Variants in THSD4 observed in about 807,000 individuals in gnomAD.
THSD4 encodes the protein thrombospondin type 1 domain containing 4, also known as thrombospondin type-1 domain-containing protein 4.
Under a neutral mutation model 119.0 loss-of-function variants are expected in THSD4, and 69 were observed. That is an observed-to-expected ratio of 0.58 (90% CI 0.48 to 0.71). THSD4 has a LOEUF of 0.71. THSD4 is among the 30% of genes least tolerant of loss of function. THSD4 has a pLI of 0.00. For synonymous variants in THSD4, 524 were observed against 540.4 expected (o/e 0.97, Z 0.42); for missense variants, 1,393 against 1,391.1 (o/e 1.00, Z -0.02).
At chr15:71,434,434 C>CTTTT (rs34097873) in intron 7 of THSD4, among the ~76,000 whole-genome samples, 44 of 82,582 alleles carry the variant, frequency 5.3e-4, no homozygotes, top group African/African-American at 6.3e-4. Context: ...TCAGTGGTCC[C>CTTTT]TTTTTTTTTT....
At position 71,506,216 on chromosome 15, in the gene THSD4, T is replaced by C. The variant is rs539466395; in HGVS notation, c.1152+94393T>C. Among the ~76,000 whole-genome samples, 40 of 152,326 alleles carry C rather than the reference T, an allele frequency of 2.6e-4. No individual in the cohort carries two copies. The South Asian group carries it at 7.9e-3, about 30-fold the overall frequency. ...GTTTTGCTGATCTAGATCTTAGGAATCAAATATCTTTTGCCTCCAGGTTTG... is the reference window on the plus strand; with the variant it reads ...GTTTTGCTGATCTAGATCTTAGGAACCAAATATCTTTTGCCTCCAGGTTTG... On this transcript the variant is annotated intron_variant, in intron 7 of 17. Coordinates refer to ENST00000261862, the MANE Select transcript of THSD4 (RefSeq NM_024817.3).
In THSD4 at chr15:71,781,670, G is replaced by T. The variant is rs1027328678; in HGVS notation, c.*4296G>T. The stretch of plus-strand genomic sequence containing the variant: ...TACAGGCAGGCACAGTTTAGCTCCT[G>T]CAGAGACCCAGCTTTTCACAAGTTG... On this transcript the variant is annotated 3_prime_UTR_variant, in exon 18 of 18. Coordinates refer to ENST00000261862, the MANE Select transcript of THSD4 (RefSeq NM_024817.3). 4 of 152,376 alleles carry T rather than the reference G, an allele frequency of 2.6e-5. No homozygotes were observed. The highest frequency in any genetic ancestry group is 5.9e-5 in the Non-Finnish European group (4 of 68,184). The allele number at this position is 152,376 out of a possible 1,614,324, so 9.4% of individuals were successfully genotyped here. A position where few individuals can be genotyped will look rare whatever the true frequency, so the allele number is the denominator to read the frequency against.
At chr15:71,557,262 C>A (rs1220567754) in intron 7 of THSD4, among the ~76,000 whole-genome samples, 1 of 152,106 alleles carries the variant, frequency 6.6e-6, no homozygotes, top group Admixed American at 6.5e-5. Flanking sequence ...TTTAATCTGT[C>A]AGTGTGATAA....
chr15:71,208,455 C>T (rs1335076016), intron 3 of THSD4, among the ~76,000 whole-genome samples: 1 of 152,056 alleles, frequency 6.6e-6, no homozygotes, highest in Non-Finnish European at 1.5e-5. Flanking sequence ...GACTACACTG[C>T]TTCTCTAACT....
At chr15:71,443,307 C>A (rs2047134655) in intron 7 of THSD4, among the ~76,000 whole-genome samples, 1 of 152,176 alleles carries the variant, frequency 6.6e-6, no homozygotes, top group Non-Finnish European at 1.5e-5. Flanking sequence ...CCCTGGGTTG[C>A]TCTGGTTGCT....
At chr15:71,122,055 G>C (rs1262855839) in intron 1 of THSD4, among the ~76,000 whole-genome samples, 1 of 152,158 alleles carries the variant, frequency 6.6e-6, no homozygotes, top group Non-Finnish European at 1.5e-5. Flanking sequence ...TGTAGTGACA[G>C]TATAGCCTTT....
Position 71,777,415 on chromosome 15 carries a change from C to T in THSD4, c.*41C>T, listed in dbSNP as rs369950925. The T allele has an allele frequency of 1.3e-6, 2 of 1,590,664 alleles. No individual in the cohort carries two copies. The highest frequency in any genetic ancestry group is 1.7e-6 in the Non-Finnish European group (2 of 1,170,410). On this transcript the variant is annotated 3_prime_UTR_variant, in exon 18 of 18. Transcript: ENST00000261862. ...ATCAGTAGGGCAGCATCACTGCCTT[C>T]CCGGGGGCTTCAGCAGTGCGCCTGG...
intron 6 of THSD4, among the ~76,000 whole-genome samples, chr15:71,281,177 A>C (rs922415939): frequency 6.6e-6 from 1 of 152,260 alleles, no homozygotes; most frequent in Non-Finnish European, 1.5e-5. Flanking sequence ...GGGCTGAGGT[A>C]TGAATCCGAG....
intron 6 of THSD4, among the ~76,000 whole-genome samples, chr15:71,271,662 TTTCTC>T (rs1185242738): frequency 6.6e-6 from 1 of 152,216 alleles, no homozygotes; most frequent in African/African-American, 2.4e-5. Flanking sequence ...TCTTTTCCCT[TTTCTC>T]TTTCTTTCTC....
At chr15:71,266,110 A>G (rs1446617449) in intron 6 of THSD4, among the ~76,000 whole-genome samples, 1 of 152,222 alleles carries the variant, frequency 6.6e-6, no homozygotes, top group Non-Finnish European at 1.5e-5. Context: ...AAGCTCTGGT[A>G]AGGGACAGAC....
At chr15:71,270,528 A>G (rs567397672) in intron 6 of THSD4, among the ~76,000 whole-genome samples, 8 of 152,188 alleles carry the variant, frequency 5.3e-5, no homozygotes, top group African/African-American at 1.7e-4. Context: ...CAATTACCCC[A>G]TCAGGTGGGA....
intron 7 of THSD4, among the ~76,000 whole-genome samples, chr15:71,487,218 A>G (rs2047836604): frequency 6.6e-6 from 1 of 152,084 alleles, no homozygotes; most frequent in Admixed American, 6.6e-5. Context: ...GCGATGTGGG[A>G]TTTGTGTACA....
At chr15:71,749,695 AT>A (rs1232243841) in intron 14 of THSD4, among the ~76,000 whole-genome samples, 1 of 34,902 alleles carries the variant, frequency 2.9e-5, no homozygotes, top group African/African-American at 8.1e-5. Context: ...ATATTTTTAA[AT>A]TTTTATTTAT....
chr15:71,338,605 C>T (rs1323856253), intron 6 of THSD4, among the ~76,000 whole-genome samples: 1 of 152,074 alleles, frequency 6.6e-6, no homozygotes, highest in Non-Finnish European at 1.5e-5. Flanking sequence ...GTTACAAACA[C>T]GTGTATTCAC....
At chr15:71,131,987 G>A (rs1390127734) in intron 1 of THSD4, among the ~76,000 whole-genome samples, 1 of 152,182 alleles carries the variant, frequency 6.6e-6, no homozygotes, top group Non-Finnish European at 1.5e-5. Flanking sequence ...AGTGACTTGA[G>A]CAAAAATCCT....
chr15:71,557,705 A>G (rs1225598745), intron 7 of THSD4, among the ~76,000 whole-genome samples: 1 of 152,168 alleles, frequency 6.6e-6, no homozygotes, highest in Non-Finnish European at 1.5e-5. Context: ...TTTAAAAGTT[A>G]AATATGTCTA....
rs190232415 is a variant in THSD4, at chr15:71,774,244, G to A, written c.2915-2988G>A. On this transcript the variant is annotated intron_variant, in intron 17 of 17. Coordinates refer to ENST00000261862, the MANE Select transcript of THSD4 (RefSeq NM_024817.3). ...GAGAATCACCTGAGCCCAGGAAGTCGAGGAAGCAGTGAGCCATGATCGCAC... is the reference window on the plus strand; with the variant it reads ...GAGAATCACCTGAGCCCAGGAAGTCAAGGAAGCAGTGAGCCATGATCGCAC... Among the ~76,000 whole-genome samples the A allele has an allele frequency of 1.5e-4, 23 of 150,326 alleles. 1 individual carries two copies. The highest frequency in any genetic ancestry group is 3.3e-4 in the Admixed American group (5 of 15,126).
At chr15:71,341,125 T>C (rs1252752353) in intron 6 of THSD4, 1 of 1,345,020 alleles carries the variant, frequency 7.4e-7, no homozygotes, top group African/African-American at 1.4e-5. Flanking sequence ...CCTTTTTTTT[T>C]TCCTTTTAAT....
chr15:71,214,904 T>C, intron 3 of THSD4, 131 bp from the exon 4 acceptor site: 2 of 1,181,110 alleles, frequency 1.7e-6, no homozygotes, highest in Non-Finnish European at 2.1e-6. Context: ...CCAGGCTGGA[T>C]TGTATTAATA....
Sources: gnomAD v4.1 joint callset for allele counts (sites outside exome capture counted in the v4.1 genomes callset) on GRCh38, gnomAD v4.1.1 for gene constraint, MANE v1.5 for transcripts, NCBI Gene and HGNC (gene_info 2026-07-23, HGNC 2026-07-21) for gene names.